NIF3L1: variants seen among roughly 807,000 people sequenced by gnomAD.
NIF3L1 encodes the protein NIF3-like protein 1.
NIF3L1 carries 26 observed loss-of-function variants against 35.0 expected under a neutral mutation model. That is an observed-to-expected ratio of 0.74 (90% CI 0.54 to 1.03). The LOEUF is 1.03. Among genes scored for constraint, NIF3L1 ranks in the 50% least tolerant of loss-of-function variants. The pLI is 0.00. For synonymous variants in NIF3L1, 157 were observed against 178.9 expected, an observed-to-expected ratio of 0.88 and a Z score of 0.98; for missense variants, 449 against 466.3, an observed-to-expected ratio of 0.96 and a Z score of 0.34.
Position 200,897,188 on chromosome 2 carries a change from T to C in NIF3L1, c.839T>C (p.Leu280Ser). 3.1e-6 allele frequency: 5 copies of C among 1,613,938 alleles called. No individual in the cohort carries two copies. The highest frequency in any genetic ancestry group is 3.4e-6 in the Non-Finnish European group (4 of 1,179,976). Residue 280 changes from leucine to serine, a missense_variant, in exon 5 of 7, where the codon TTA becomes TCA. Leu to Ser is a moderately radical substitution (Grantham distance 145). Coordinates refer to ENST00000409020, the MANE Select transcript of NIF3L1 (RefSeq NM_001369441.2). ...CACCTAAAACTATCTCATATTCGCTTAGCCCTTGGGGTGGGGAGAACCTTA... is the reference window on the plus strand; with the variant it reads ...CACCTAAAACTATCTCATATTCGCTCAGCCCTTGGGGTGGGGAGAACCTTA... ...KRHLKLSHIR[L>S]ALGVGRTLES... is the part of the protein sequence containing the mutation.
chr2:200,902,532 T>TG (rs2040425382), intron 6 of NIF3L1, among the ~76,000 whole-genome samples: 1 of 152,004 alleles, frequency 6.6e-6, no homozygotes, highest in Non-Finnish European at 1.5e-5. Flanking sequence ...CGTGCTACTG[T>TG]ACTCCAGCCT....
chr2:200,903,352 T>C (rs2040439856), intron 6 of NIF3L1, 142 bp from the exon 7 acceptor site: 13 of 698,716 alleles, frequency 1.9e-5, no homozygotes, highest in Non-Finnish European at 2.9e-5. Flanking sequence ...GTACACTACT[T>C]TCTAGATTTA....
chr2:200,893,749 C>T (rs2040247589), intron 3 of NIF3L1, among the ~76,000 whole-genome samples: 2 of 152,076 alleles, frequency 1.3e-5, no homozygotes. Context: ...TTATTGGTTC[C>T]CAGCAAATCA....
At position 200,897,209 on chromosome 2, in the gene NIF3L1, C is replaced by T; in HGVS notation, c.860C>T (p.Thr287Ile). 1 of 1,613,502 alleles carries T rather than the reference C, an allele frequency of 6.2e-7. No homozygotes were observed. The highest frequency in any genetic ancestry group is 1.1e-5 in the South Asian group (1 of 91,030). The change falls in exon 5 of 7, where the codon ACC (threonine) becomes ATC (isoleucine). Residue 287 changes from threonine (T) to isoleucine (I), a missense_variant. By Grantham distance (89) the Thr-to-Ile change is moderately conservative. Coordinates refer to ENST00000409020, the MANE Select transcript of NIF3L1 (RefSeq NM_001369441.2). ...CGCTTAGCCCTTGGGGTGGGGAGAACCTTAGGTAAATATAGCTCCTTCATC... is the reference window on the plus strand; with the variant it reads ...CGCTTAGCCCTTGGGGTGGGGAGAATCTTAGGTAAATATAGCTCCTTCATC... ...HIRLALGVGR[T>I]LESQVKVVAL...
Position 200,903,683 on chromosome 2 carries a change from A to G in NIF3L1, c.*5A>G, listed in dbSNP as rs1359975758. On this transcript the variant is annotated 3_prime_UTR_variant, in exon 7 of 7. Transcript: ENST00000409020. ...GACCCTCTTCAGGTGGTATAATTGC[A>G]GAAACATCAGGATAACACATTCTAC... 1.9e-6 allele frequency: 3 copies of G among 1,609,578 alleles called. No homozygotes were observed. Among genetic ancestry groups the G allele is most frequent in the South Asian group, 1.1e-5 (1 of 91,000 alleles).
At chr2:200,901,063 C>T (rs184641113) in intron 6 of NIF3L1, among the ~76,000 whole-genome samples, 1 of 152,320 alleles carries the variant, frequency 6.6e-6, no homozygotes, top group East Asian at 1.9e-4. Context: ...CTTTACCTCT[C>T]AATACTTCAG....
intron 6 of NIF3L1, among the ~76,000 whole-genome samples, chr2:200,901,242 C>T (rs1025531470): frequency 1.3e-5 from 2 of 152,164 alleles, no homozygotes; most frequent in African/African-American, 2.4e-5. Context: ...AATGATCTCA[C>T]ATTGCATTTA....
intron 4 of NIF3L1, among the ~76,000 whole-genome samples, chr2:200,896,325 A>C (rs1216824335): frequency 6.6e-6 from 1 of 152,082 alleles, no homozygotes; most frequent in African/African-American, 2.4e-5. Context: ...GTGTTCTCTC[A>C]AGTTTTTGGC....
Position 200,898,549 on chromosome 2 carries a change from T to C in NIF3L1, c.866-836T>C, listed in dbSNP as rs550125147. 4.3e-4 allele frequency among the ~76,000 whole-genome samples: 65 copies of C among 152,288 alleles called. 1 individual carries two copies. Among genetic ancestry groups the C allele is most frequent in the African/African-American group, 1.5e-3 (64 of 41,558 alleles). On this transcript the variant is annotated intron_variant, in intron 5 of 6. Transcript: ENST00000409020. ...AGAGCCAAACCATATCAGTAACTTATCTAAAAGTCCAGTTAGATCAAACAA... is the reference window on the plus strand; with the variant it reads ...AGAGCCAAACCATATCAGTAACTTACCTAAAAGTCCAGTTAGATCAAACAA...
chr2:200,889,725 C>T (rs1275961784), intron 1 of NIF3L1, 73 bp downstream of exon 1: 1 of 152,492 alleles, frequency 6.6e-6, no homozygotes, highest in East Asian at 1.9e-4. Context: ...ACAGTGCTTA[C>T]TCTAGGACGG....
At position 200,899,380 on chromosome 2, in the gene NIF3L1, T is replaced by C; in HGVS notation, c.866-5T>C. ...TATTGGTCTCTTGTTTCCTCTGTTTTGAAGAGTCTCAAGTCAAAGTCGTGG... is the reference window on the plus strand; with the variant it reads ...TATTGGTCTCTTGTTTCCTCTGTTTCGAAGAGTCTCAAGTCAAAGTCGTGG... On this transcript the variant is annotated splice_polypyrimidine_tract_variant and splice_region_variant and intron_variant, in intron 5 of 6. Coordinates refer to ENST00000409020, the MANE Select transcript of NIF3L1 (RefSeq NM_001369441.2). 1 of 1,612,416 alleles carries C rather than the reference T, an allele frequency of 6.2e-7. No homozygotes were observed. The highest frequency in any genetic ancestry group is 8.5e-7 in the Non-Finnish European group (1 of 1,178,510).
chr2:200,892,462 CT>C, intron 2 of NIF3L1, 83 bp downstream of exon 2: 1 of 1,090,950 alleles, frequency 9.2e-7, no homozygotes, highest in Non-Finnish European at 1.3e-6. Flanking sequence ...GTTTTAACTG[CT>C]TTAGGGTTGG....
chr2:200,901,372 T>A (rs1243811435), intron 6 of NIF3L1, among the ~76,000 whole-genome samples: 2 of 152,222 alleles, frequency 1.3e-5, no homozygotes, highest in East Asian at 3.8e-4. Context: ...GGTATCTGTT[T>A]CCTTATACTT....
intron 4 of NIF3L1, 40 bp from the exon 5 acceptor site, chr2:200,897,036 C>A: frequency 1.2e-6 from 2 of 1,603,594 alleles, no homozygotes; most frequent in Non-Finnish European, 1.7e-6. Context: ...TGTTTTAGGA[C>A]TAACAATGCA....
In NIF3L1 at chr2:200,897,062, C is replaced by T. The variant is rs753976155; in HGVS notation, c.727-14C>T. The T allele has an allele frequency of 4.3e-6, 7 of 1,612,672 alleles. No individual in the cohort carries two copies. The highest frequency in any genetic ancestry group is 5.9e-6 in the Non-Finnish European group (7 of 1,179,198). ...TAACAATGCACACCGTTTCTAACTT[C>T]TGTTTCTCCTCAGCCTTTGCTTCTA... On this transcript the variant is annotated splice_polypyrimidine_tract_variant and intron_variant, in intron 4 of 6. Coordinates refer to ENST00000409020, the MANE Select transcript of NIF3L1 (RefSeq NM_001369441.2).
Position 200,892,144 on chromosome 2 carries a change from C to T in NIF3L1, c.201C>T (p.Leu67=), listed in dbSNP as rs1256553357. 1 of 1,614,122 alleles carries T rather than the reference C, an allele frequency of 6.2e-7. No homozygotes were observed. The highest frequency in any genetic ancestry group is 1.3e-5 in the African/African-American group (1 of 74,950). Residue 67 remains leucine, a synonymous_variant, in exon 2 of 7, where the codon CTC becomes CTT. Coordinates refer to ENST00000409020, the MANE Select transcript of NIF3L1 (RefSeq NM_001369441.2). ...EPSPPHTVNT[L]FLTNDLTEEV... is the part of the protein sequence containing the mutation. ...GCCCACCACATACTGTAAATACACT[C>T]TTCCTGACCAATGACCTGACTGAGG... is the stretch of plus-strand genomic sequence containing the variant.
rs1292015162 is a variant in NIF3L1 at position 200,903,508 on chromosome 2, CATG to C, written c.967_969del (p.Asp323del). 6.2e-7 allele frequency: 1 copy of C among 1,613,534 alleles called. No individual in the cohort carries two copies. Among genetic ancestry groups the C allele is most frequent in the East Asian group, 2.2e-5 (1 of 44,854 alleles). ...CTTTTTGGTAGGTGAGATGTCCCAT[CATG>C]ATACTTTGGATGCTGCTTCCCAAGG... is the stretch of plus-strand genomic sequence containing the variant. On this transcript the variant is annotated inframe_deletion, in exon 7 of 7. Coordinates refer to ENST00000409020, the MANE Select transcript of NIF3L1 (RefSeq NM_001369441.2).
intron 6 of NIF3L1, among the ~76,000 whole-genome samples, chr2:200,902,024 G>A (rs1317214219): frequency 6.6e-6 from 1 of 152,148 alleles, no homozygotes; most frequent in Non-Finnish European, 1.5e-5. Flanking sequence ...CTTATTAGGA[G>A]GAGATTGTGG....
intron 6 of NIF3L1, among the ~76,000 whole-genome samples, chr2:200,902,472 G>A (rs1286890044): frequency 2.0e-5 from 3 of 152,130 alleles, no homozygotes; most frequent in African/African-American, 7.2e-5. Context: ...AGAGGCTGAG[G>A]CAGGAGAATC....
Sources: allele counts gnomAD v4.1 joint callset (sites outside exome capture counted in the v4.1 genomes callset), GRCh38; gene constraint gnomAD v4.1.1; transcripts MANE v1.5; gene names NCBI Gene and HGNC (gene_info 2026-07-23, HGNC 2026-07-21).